The following PPARG variants were observed in gnomAD, a reference collection of about 807,000 sequenced individuals.
The protein encoded by PPARG is peroxisome proliferator-activated receptor gamma.
In PPARG, 17 loss-of-function variants were observed where a neutral mutation model predicts 39.2. That is an observed-to-expected ratio of 0.43 (90% CI 0.30 to 0.65). PPARG has a LOEUF of 0.65. PPARG is among the 30% of genes least tolerant of loss of function. The pLI, the probability that PPARG is intolerant of heterozygous loss-of-function variation, is 0.13. For synonymous variants in PPARG, 223 were observed against 215.7 expected (o/e 1.03, Z -0.30); for missense variants, 406 against 585.9 (o/e 0.69, Z 3.17).
chr3:12,330,302 TAAAAAAAAA>T (rs67976990), intron 2 of PPARG, among the ~76,000 whole-genome samples: 1 of 121,052 alleles, frequency 8.3e-6, no homozygotes, highest in Non-Finnish European at 1.7e-5. Context: ...CACCTTTTTT[TAAAAAAAAA>T]AAAAAAAAAA....
At chr3:12,289,456 T>G (rs1249948091) in intron 1 of PPARG, among the ~76,000 whole-genome samples, 1 of 152,246 alleles carries the variant, frequency 6.6e-6, no homozygotes, top group African/African-American at 2.4e-5. Context: ...AACTGAGTTG[T>G]ATAATACCTA....
chr3:12,341,691 C>T (rs926833620), intron 2 of PPARG, among the ~76,000 whole-genome samples: 1 of 152,130 alleles, frequency 6.6e-6, no homozygotes, highest in East Asian at 1.9e-4. Flanking sequence ...CGCCTGTGGT[C>T]TCAGCTACTC....
intron 5 of PPARG, among the ~76,000 whole-genome samples, chr3:12,403,636 G>A (rs1335927868): frequency 6.6e-6 from 1 of 152,170 alleles, no homozygotes. Flanking sequence ...GATTACAGGT[G>A]TGAGCTACCA....
chr3:12,432,158 A>T (rs1311885176), intron 7 of PPARG, among the ~76,000 whole-genome samples: 1 of 152,210 alleles, frequency 6.6e-6, no homozygotes, highest in Non-Finnish European at 1.5e-5. Flanking sequence ...ACCGTCAGGG[A>T]ACAGATCATT....
chr3:12,334,128 T>G (rs1244013618), intron 2 of PPARG, among the ~76,000 whole-genome samples: 1 of 152,218 alleles, frequency 6.6e-6, no homozygotes, highest in Non-Finnish European at 1.5e-5. Flanking sequence ...TACTTCTTTG[T>G]ATAATATTTC....
intron 2 of PPARG, among the ~76,000 whole-genome samples, chr3:12,334,654 G>A (rs1575009743): frequency 1.3e-5 from 2 of 152,132 alleles, no homozygotes; most frequent in Non-Finnish European, 1.5e-5. Context: ...TACTTCTCAA[G>A]ATGAAATATA....
upstream of PPARG, among the ~76,000 whole-genome samples, chr3:12,288,583 G>A (rs897737514): frequency 2.0e-5 from 3 of 152,082 alleles, no homozygotes; most frequent in African/African-American, 7.2e-5. Context: ...CTGAGGCCGC[G>A]CGGCACCCCT....
intron 1 of PPARG, among the ~76,000 whole-genome samples, chr3:12,298,794 T>C (rs1281039485): frequency 6.6e-6 from 1 of 152,154 alleles, no homozygotes; most frequent in Non-Finnish European, 1.5e-5. Context: ...CCTTAGAGAA[T>C]AGATCTACTG....
At chr3:12,378,781 A>G (rs1353971120) in intron 2 of PPARG, among the ~76,000 whole-genome samples, 3 of 152,156 alleles carry the variant, frequency 2.0e-5, no homozygotes, top group African/African-American at 7.2e-5. Flanking sequence ...CATGGTGACT[A>G]TAGTTAGTGA....
intron 2 of PPARG, among the ~76,000 whole-genome samples, chr3:12,322,731 G>T: frequency 6.6e-6 from 1 of 152,196 alleles, no homozygotes; most frequent in East Asian, 1.9e-4. Flanking sequence ...AGATTTGGGG[G>T]TAGGGAAGTG....
Position 12,416,848 on chromosome 3 carries a change from C to G in PPARG, c.874C>G (p.Gln292Glu). 3.7e-6 allele frequency: 6 copies of G among 1,614,166 alleles called. No homozygotes were observed. The highest frequency in any genetic ancestry group is 5.1e-6 in the Non-Finnish European group (6 of 1,180,018). The change falls in exon 7 of 8, where the codon CAG (glutamine) becomes GAG (glutamate). Residue 292 changes from glutamine (Q) to glutamate (E), a missense_variant. By Grantham distance (29) the Gln-to-Glu change is conservative. This residue lies in a region of PPARG where 275 missense variants were observed against 458.0 expected (regional missense o/e 0.60). Coordinates refer to ENST00000651735, the MANE Select transcript of PPARG (RefSeq NM_138711.6). Reference sequence around the variant, plus strand: ...CCAGTTTCGCTCCGTGGAGGCTGTGCAGGAGATCACAGAGTATGCCAAAAG... The same window carrying G: ...CCAGTTTCGCTCCGTGGAGGCTGTGGAGGAGATCACAGAGTATGCCAAAAG... ...GCQFRSVEAV[Q>E]EITEYAKSIP... is the part of the protein sequence containing the mutation.
intron 2 of PPARG, among the ~76,000 whole-genome samples, chr3:12,330,110 AG>A (rs2047810682): frequency 6.6e-6 from 1 of 152,030 alleles, no homozygotes; most frequent in Non-Finnish European, 1.5e-5. Flanking sequence ...TTGGTGTTCA[AG>A]TATCTGTTTT....
intron 5 of PPARG, among the ~76,000 whole-genome samples, chr3:12,393,513 T>A (rs1225077802): frequency 6.6e-6 from 1 of 152,150 alleles, no homozygotes; most frequent in East Asian, 1.9e-4. Context: ...TAATTCTTGG[T>A]CACTATTTGG....
At chr3:12,334,357 A>G (rs189727757) in intron 2 of PPARG, among the ~76,000 whole-genome samples, 7 of 151,934 alleles carry the variant, frequency 4.6e-5, no homozygotes, top group Admixed American at 4.6e-4. Flanking sequence ...CAGTCTCCCA[A>G]GTAGCCAGGA....
At position 12,348,657 on chromosome 3, in the gene PPARG, C is replaced by T. The variant is rs560216047; in HGVS notation, c.-8-31047C>T. On this transcript the variant is annotated intron_variant, in intron 2 of 7. Coordinates refer to ENST00000651735, the MANE Select transcript of PPARG (RefSeq NM_138711.6). ...CTCTACATTGCACAGAACCTTACAT[C>T]CCTCAACAGAAGGAGTACATAGTGC... 2.2e-4 allele frequency among the ~76,000 whole-genome samples: 34 copies of T among 152,304 alleles called. No individual in the cohort carries two copies. In the East Asian group the frequency reaches 5.4e-3, roughly 24 times the overall value.
At chr3:12,406,279 G>T (rs777823625) in intron 6 of PPARG, 198 bp downstream of exon 6, 9 of 638,330 alleles carry the variant, frequency 1.4e-5, no homozygotes, top group Non-Finnish European at 8.4e-6. Flanking sequence ...TTTTGAAAAG[G>T]GAGAAAAGTC....
chr3:12,313,363 G>A (rs1313004929), intron 2 of PPARG, among the ~76,000 whole-genome samples: 1 of 152,096 alleles, frequency 6.6e-6, no homozygotes, highest in Non-Finnish European at 1.5e-5. Context: ...CTAGATCGTG[G>A]TTTCCAAATA....
At chr3:12,317,562 G>A (rs1281178360) in intron 2 of PPARG, among the ~76,000 whole-genome samples, 2 of 152,054 alleles carry the variant, frequency 1.3e-5, no homozygotes, top group Non-Finnish European at 2.9e-5. Context: ...AATTTACTAA[G>A]CCAGTTTTTA....
chr3:12,416,097 G>A (rs1347686685), intron 6 of PPARG, among the ~76,000 whole-genome samples: 3 of 152,144 alleles, frequency 2.0e-5, no homozygotes, highest in Admixed American at 6.5e-5. Context: ...ATCAACAATC[G>A]GCCGGGTGTG....
Sources: gnomAD v4.1 joint callset for allele counts (sites outside exome capture counted in the v4.1 genomes callset) on GRCh38, gnomAD v4.1.1 for gene constraint, gnomAD v4.1.1 regional missense constraint, MANE v1.5 for transcripts, NCBI Gene and HGNC (gene_info 2026-07-23, HGNC 2026-07-21) for gene names.